XRRA1: variants seen among roughly 807,000 people sequenced by gnomAD.
XRRA1 encodes X-ray radiation resistance associated 1, also known as X-ray radiation resistance-associated protein 1.
Under a neutral mutation model 80.2 loss-of-function variants are expected in XRRA1, and 69 were observed. The observed-to-expected ratio is 0.86, with a 90% CI of 0.71 to 1.05. The LOEUF (loss-of-function observed/expected upper bound fraction) is 1.05, where lower values mean the gene tolerates loss of function less well. Among genes scored for constraint, XRRA1 ranks in the 50% least tolerant of loss-of-function variants. The probability of loss-of-function intolerance (pLI) is 0.00; values close to 1 mark genes in which losing one functional copy is unlikely to be tolerated. For missense variants in XRRA1, 967 were observed against 976.4 expected (o/e 0.99, Z 0.13); for synonymous variants, 348 against 389.9 (o/e 0.89, Z 1.27).
chr11:74,947,148 C>A (rs1216029103), intron 1 of XRRA1, among the ~76,000 whole-genome samples: 2 of 152,188 alleles, frequency 1.3e-5, no homozygotes, highest in East Asian at 3.8e-4. Context: ...GCCACAGGAG[C>A]ACTTCATGCA....
In XRRA1 at chr11:74,851,204, C is replaced by T; in HGVS notation, c.1265-1G>A. The T allele has an allele frequency of 6.2e-7, 1 of 1,602,196 alleles. No individual in the cohort carries two copies. Among genetic ancestry groups the T allele is most frequent in the Non-Finnish European group, 8.5e-7 (1 of 1,175,424 alleles). On this transcript the variant is annotated splice_acceptor_variant, in intron 13 of 18. Transcript: ENST00000684022. LOFTEE classifies it high-confidence loss of function. ...AAGCTCTTCAGCAGTGGAGGGACCC[C>T]TGGTGCCATGATGGGAAAATAAGAT...
chr11:74,943,563 A>G (rs199604192), intron 2 of XRRA1, among the ~76,000 whole-genome samples: 4,988 of 77,532 alleles, frequency 0.064, 127 homozygotes, highest in African/African-American at 0.15. Context: ...GTGTGTGTGT[A>G]TGTGTCAGAG....
intron 4 of XRRA1, among the ~76,000 whole-genome samples, chr11:74,936,673 TA>T (rs1407994721): frequency 1.3e-5 from 2 of 152,216 alleles, no homozygotes; most frequent in African/African-American, 4.8e-5. Context: ...GGGACGACAA[TA>T]CCTATCTCAC....
Position 74,843,055 on chromosome 11 carries a change from C to T in XRRA1, c.*145G>A. 1 of 1,151,056 alleles carries T rather than the reference C, an allele frequency of 8.7e-7. No individual in the cohort carries two copies. Among genetic ancestry groups the T allele is most frequent in the Non-Finnish European group, 1.2e-6 (1 of 840,136 alleles). 71.3% of individuals were successfully genotyped at this position (1,151,056 alleles called of 1,614,324 possible). The stretch of plus-strand genomic sequence containing the variant: ...GAGGGGAGATCCTGACAAGGGGATG[C>T]CACCTTGTGGCCAGCAAGTGGGGCC... On this transcript the variant is annotated 3_prime_UTR_variant, in exon 19 of 19. Coordinates refer to ENST00000684022, the MANE Select transcript of XRRA1 (RefSeq NM_001378157.1).
intron 8 of XRRA1, among the ~76,000 whole-genome samples, chr11:74,918,651 T>C (rs758506636): frequency 4.6e-5 from 7 of 152,214 alleles, no homozygotes; most frequent in Non-Finnish European, 8.8e-5. Flanking sequence ...CTCTCAGCCT[T>C]CACCCCTTCC....
chr11:74,947,781 T>A (rs551216308), intron 1 of XRRA1, among the ~76,000 whole-genome samples: 1 of 152,308 alleles, frequency 6.6e-6, no homozygotes, highest in South Asian at 2.1e-4. Context: ...TATTTTCTTT[T>A]CTTTCTGATC....
intron 10 of XRRA1, among the ~76,000 whole-genome samples, chr11:74,905,385 C>T (rs1237645425): frequency 6.6e-6 from 1 of 152,170 alleles, no homozygotes; most frequent in African/African-American, 2.4e-5. Context: ...ACTTTGAAAT[C>T]CATCTTTCTT....
At chr11:74,914,201 G>T (rs978551488) in intron 8 of XRRA1, among the ~76,000 whole-genome samples, 1 of 152,158 alleles carries the variant, frequency 6.6e-6, no homozygotes, top group Admixed American at 6.5e-5. Flanking sequence ...GGCCAAGCTG[G>T]TCTCGAACTC....
At chr11:74,934,428 CAG>C (rs1478061595) in intron 4 of XRRA1, among the ~76,000 whole-genome samples, 1 of 152,146 alleles carries the variant, frequency 6.6e-6, no homozygotes, top group African/African-American at 2.4e-5. Context: ...GAAGAAAAAG[CAG>C]AGACATTCCA....
At chr11:74,927,636 C>G (rs897689693) in intron 6 of XRRA1, 148 bp from the exon 7 acceptor site, 6 of 497,812 alleles carry the variant, frequency 1.2e-5, no homozygotes, top group South Asian at 3.3e-5. Flanking sequence ...TCTCTAACAA[C>G]CCAGAAAAAT....
At chr11:74,890,724 A>G (rs1331837378) in intron 10 of XRRA1, among the ~76,000 whole-genome samples, 1 of 152,264 alleles carries the variant, frequency 6.6e-6, no homozygotes, top group African/African-American at 2.4e-5. Flanking sequence ...AGGGGATATC[A>G]CCACTGATCC....
At chr11:74,843,592 C>T (rs1042296426) in intron 18 of XRRA1, 139 bp from the exon 19 acceptor site, 11 of 1,244,946 alleles carry the variant, frequency 8.8e-6, no homozygotes, top group South Asian at 3.1e-5. Flanking sequence ...AATGGCCTTT[C>T]CAGCTTGGGA....
intron 6 of XRRA1, among the ~76,000 whole-genome samples, chr11:74,928,880 T>C (rs1472355293): frequency 6.6e-6 from 1 of 152,202 alleles, no homozygotes; most frequent in Non-Finnish European, 1.5e-5. Flanking sequence ...CCAATGACTA[T>C]ACTTCCACAG....
At chr11:74,844,351 G>T in intron 16 of XRRA1, 68 bp from the exon 17 acceptor site, 2 of 1,155,934 alleles carry the variant, frequency 1.7e-6, no homozygotes, top group Non-Finnish European at 1.3e-6. Context: ...TCCCCTGATT[G>T]CTTCATTCCT....
intron 8 of XRRA1, chr11:74,919,916 C>G (rs1940132769): frequency 3.0e-6 from 1 of 336,942 alleles, no homozygotes; most frequent in Admixed American, 3.7e-5. Context: ...ACCTATGTAC[C>G]TGTTACCACT....
intron 10 of XRRA1, among the ~76,000 whole-genome samples, chr11:74,887,963 G>A (rs1304295866): frequency 6.6e-6 from 1 of 152,166 alleles, no homozygotes; most frequent in African/African-American, 2.4e-5. Flanking sequence ...ACTCAAGGAG[G>A]CCTGCCTGCC....
intron 8 of XRRA1, among the ~76,000 whole-genome samples, chr11:74,914,493 G>T (rs978264857): frequency 1.3e-5 from 2 of 152,172 alleles, no homozygotes; most frequent in Non-Finnish European, 2.9e-5. Context: ...AAATAGGTGT[G>T]CTGTACAGAT....
intron 14 of XRRA1, among the ~76,000 whole-genome samples, chr11:74,849,452 T>A (rs1393368182): frequency 2.0e-5 from 3 of 152,118 alleles, no homozygotes; most frequent in Non-Finnish European, 4.4e-5. Context: ...GGAACCTCAG[T>A]GTTTAGACTC....
chr11:74,881,285 C>G (rs1447858409), intron 10 of XRRA1, among the ~76,000 whole-genome samples: 2 of 151,314 alleles, frequency 1.3e-5, no homozygotes, highest in East Asian at 3.9e-4. Flanking sequence ...GGATTGCAAC[C>G]CCTGCCTTTT....
Sources: gnomAD v4.1 joint callset for allele counts (sites outside exome capture counted in the v4.1 genomes callset) on GRCh38, gnomAD v4.1.1 for gene constraint, MANE v1.5 for transcripts, NCBI Gene and HGNC (gene_info 2026-07-23, HGNC 2026-07-21) for gene names.